Variants in HTR1F observed in about 807,000 individuals in gnomAD.
The protein encoded by HTR1F is 5-hydroxytryptamine receptor 1F, also known as 5-hydroxytryptamine (serotonin) receptor 1F, G protein-coupled.
Under a neutral mutation model 24.0 loss-of-function variants are expected in HTR1F, and 17 were observed. That is an observed-to-expected ratio of 0.71 (90% CI 0.48 to 1.06). HTR1F has a LOEUF of 1.06. Ranked by LOEUF, HTR1F falls within the 50% of genes least tolerant of loss-of-function variation. HTR1F has a pLI of 0.00. For synonymous variants in HTR1F, 186 were observed against 156.8 expected (o/e 1.19, Z -1.39); for missense variants, 391 against 427.8 (o/e 0.91, Z 0.76).
chr3:87,948,076 A>G (rs1304958102), intron 2 of HTR1F, among the ~76,000 whole-genome samples: 1 of 152,222 alleles, frequency 6.6e-6, no homozygotes, highest in East Asian at 1.9e-4. Context: ...ATACATTCTG[A>G]AAAATGTTAT....
At chr3:87,846,967 A>G (rs756362596) in intron 2 of HTR1F, among the ~76,000 whole-genome samples, 2 of 151,820 alleles carry the variant, frequency 1.3e-5, no homozygotes, top group Non-Finnish European at 2.9e-5. Context: ...ATTCAGAAGT[A>G]TCCATTTTTG....
intron 2 of HTR1F, among the ~76,000 whole-genome samples, chr3:87,975,208 T>G (rs534502405): frequency 1.3e-5 from 2 of 152,122 alleles, no homozygotes; most frequent in Non-Finnish European, 2.9e-5. Context: ...GAACTTCTTA[T>G]GTTTAAAATG....
intron 1 of HTR1F, among the ~76,000 whole-genome samples, chr3:87,813,822 C>T (rs560752772): frequency 6.6e-5 from 10 of 152,278 alleles, no homozygotes; most frequent in East Asian, 1.9e-4. Context: ...TATGCTCTCT[C>T]GCCTGTCACC....
Position 87,828,007 on chromosome 3 carries a change from A to G in HTR1F, c.-43+5883A>G, listed in dbSNP as rs545495318. Among the ~76,000 whole-genome samples the G allele has an allele frequency of 4.9e-5, 7 of 143,298 alleles. No individual in the cohort carries two copies. The East Asian group carries it at 1.3e-3, about 26-fold the overall frequency. The allele number at this position is 143,298 out of a possible 152,430, so 94.0% of individuals were successfully genotyped here. On this transcript the variant is annotated intron_variant, in intron 2 of 2. Transcript: ENST00000319595. ...AGAATATTTAAATATGTAGCAAGTA[A>G]GCCTACTCTATGGTAGATCTACACT...
At chr3:87,973,492 A>G (rs1042603484) in intron 2 of HTR1F, among the ~76,000 whole-genome samples, 13 of 152,004 alleles carry the variant, frequency 8.6e-5, no homozygotes, top group Admixed American at 6.6e-4. Flanking sequence ...CATCTTTTCT[A>G]CTCCTCCCAG....
chr3:87,845,303 G>A (rs1419988343), intron 2 of HTR1F, among the ~76,000 whole-genome samples: 2 of 151,860 alleles, frequency 1.3e-5, no homozygotes, highest in Non-Finnish European at 2.9e-5. Context: ...GTACCTGTTT[G>A]CAGATGACAT....
intron 2 of HTR1F, among the ~76,000 whole-genome samples, chr3:87,887,341 C>T (rs146684962): frequency 0.073 from 11,138 of 152,178 alleles, 485 homozygotes; most frequent in Middle Eastern, 0.11. Flanking sequence ...GGATTAAAGA[C>T]TTAAATGTTA....
intron 1 of HTR1F, among the ~76,000 whole-genome samples, chr3:87,801,635 A>G (rs1442101862): frequency 2.0e-5 from 3 of 152,164 alleles, no homozygotes; most frequent in African/African-American, 7.2e-5. Flanking sequence ...TGAGACACAC[A>G]CAGTTGCATT....
intron 2 of HTR1F, among the ~76,000 whole-genome samples, chr3:87,970,371 T>C (rs1170008902): frequency 6.6e-6 from 1 of 152,242 alleles, no homozygotes; most frequent in African/African-American, 2.4e-5. Context: ...GACAAGAATT[T>C]ACATTTCTTA....
In HTR1F at chr3:87,859,080, C is replaced by G. The variant is rs138117950; in HGVS notation, c.-43+36956C>G. Among the ~76,000 whole-genome samples the G allele has an allele frequency of 7.5e-3, 1,143 of 152,224 alleles. 9 individuals are homozygous for G. The highest frequency in any genetic ancestry group is 0.017 in the Middle Eastern group (5 of 294). On this transcript the variant is annotated intron_variant, in intron 2 of 2. Coordinates refer to ENST00000319595, the MANE Select transcript of HTR1F (RefSeq NM_001322209.2). ...GACTTGGTGGTAGATGCCTGTAATCCCAGCCTACTTGGGAGGCTGAGGCAG... is the reference window on the plus strand; with the variant it reads ...GACTTGGTGGTAGATGCCTGTAATCGCAGCCTACTTGGGAGGCTGAGGCAG...
intron 2 of HTR1F, among the ~76,000 whole-genome samples, chr3:87,909,525 C>A (rs574925621): frequency 2.0e-5 from 3 of 151,962 alleles, no homozygotes; most frequent in Admixed American, 6.6e-5. Flanking sequence ...ATTCTCTTTC[C>A]CTTTAGAAGC....
intron 2 of HTR1F, among the ~76,000 whole-genome samples, chr3:87,969,926 G>T (rs1455343541): frequency 6.6e-6 from 1 of 152,210 alleles, no homozygotes; most frequent in Non-Finnish European, 1.5e-5. Context: ...CAAGAGATCT[G>T]ATGGTTTTAT....
intron 2 of HTR1F, among the ~76,000 whole-genome samples, chr3:87,942,020 G>A: frequency 6.6e-6 from 1 of 152,044 alleles, no homozygotes; most frequent in East Asian, 1.9e-4. Context: ...AAAGGAGGCA[G>A]AATCCTTTAG....
intron 2 of HTR1F, among the ~76,000 whole-genome samples, chr3:87,959,435 G>C (rs554954958): frequency 6.6e-6 from 1 of 151,700 alleles, no homozygotes; most frequent in Non-Finnish European, 1.5e-5. Flanking sequence ...TGGTCACTTT[G>C]TTACTTTAAT....
At chr3:87,901,023 T>G (rs1301461296) in intron 2 of HTR1F, among the ~76,000 whole-genome samples, 1 of 152,158 alleles carries the variant, frequency 6.6e-6, no homozygotes, top group African/African-American at 2.4e-5. Flanking sequence ...GGACTGGGTC[T>G]AGGATAGACA....
At chr3:87,967,105 G>A (rs1705181448) in intron 2 of HTR1F, among the ~76,000 whole-genome samples, 2 of 152,220 alleles carry the variant, frequency 1.3e-5, no homozygotes, top group Admixed American at 1.3e-4. Context: ...GAAATTGGTT[G>A]AATGACATTT....
At chr3:87,825,458 G>T (rs1575912864) in intron 2 of HTR1F, among the ~76,000 whole-genome samples, 1 of 152,116 alleles carries the variant, frequency 6.6e-6, no homozygotes. Context: ...CCTGGTGCTT[G>T]TTTCCCCTTC....
At chr3:87,812,001 C>T (rs750876538) in intron 1 of HTR1F, among the ~76,000 whole-genome samples, 5 of 152,138 alleles carry the variant, frequency 3.3e-5, no homozygotes, top group Non-Finnish European at 7.4e-5. Flanking sequence ...GTAAGAAATG[C>T]TTGCTTCCCC....
chr3:87,841,613 CAT>C (rs1704804001), intron 2 of HTR1F, among the ~76,000 whole-genome samples: 1 of 151,582 alleles, frequency 6.6e-6, no homozygotes, highest in East Asian at 1.9e-4. Flanking sequence ...ACTAAACTAA[CAT>C]AGGGCTGGGT....
Sources: allele counts gnomAD v4.1 joint callset (sites outside exome capture counted in the v4.1 genomes callset), GRCh38; gene constraint gnomAD v4.1.1; transcripts MANE v1.5; gene names NCBI Gene and HGNC (gene_info 2026-07-23, HGNC 2026-07-21).